Variants in TRPC5 observed in about 807,000 individuals in gnomAD.
The protein encoded by TRPC5 is short transient receptor potential channel 5.
TRPC5 carries 9 observed loss-of-function variants against 56.5 expected under a neutral mutation model. That is an observed-to-expected ratio of 0.16 (90% confidence interval 0.10 to 0.28). The LOEUF (loss-of-function observed/expected upper bound fraction) is 0.28. Ranked by LOEUF, TRPC5 falls within the 10% of genes least tolerant of loss-of-function variation. The pLI, the probability that TRPC5 is intolerant of heterozygous loss-of-function variation, is 1.00. For synonymous variants in TRPC5, 282 were observed against 278.5 expected (o/e 1.01, Z -0.13); for missense variants, 469 against 748.9 (o/e 0.63, Z 4.36).
chrX:111,950,092 AGGTG>A (rs1927037982), intron 2 of TRPC5, among the ~76,000 whole-genome samples: 1 of 111,610 alleles, frequency 9.0e-6, no homozygotes, highest in Non-Finnish European at 1.9e-5. Flanking sequence ...TGGGAGGCCA[AGGTG>A]GGCAGATCAC....
At chrX:112,063,640 G>C (rs1279355901) in intron 1 of TRPC5, among the ~76,000 whole-genome samples, 3 of 111,983 alleles carry the variant, frequency 2.7e-5, no homozygotes, top group African/African-American at 9.8e-5. Flanking sequence ...CCTCACAGGG[G>C]ACTGGGTTCA....
chrX:111,900,661 G>A (rs1191765652), intron 3 of TRPC5, among the ~76,000 whole-genome samples: 7 of 111,500 alleles, frequency 6.3e-5, no homozygotes, highest in Non-Finnish European at 1.3e-4. Context: ...TCAATTTAAG[G>A]TTGTAGGATG....
At chrX:112,028,311 G>A (rs771415301) in intron 1 of TRPC5, among the ~76,000 whole-genome samples, 32 of 110,907 alleles carry the variant, frequency 2.9e-4, no homozygotes, top group Non-Finnish European at 4.9e-4. Flanking sequence ...GTTCTAGGGT[G>A]CATGTGCATA....
intron 7 of TRPC5, among the ~76,000 whole-genome samples, chrX:111,805,772 A>C (rs1921487027): frequency 9.0e-6 from 1 of 110,880 alleles, no homozygotes; most frequent in African/African-American, 3.3e-5. Context: ...TCCCAGGCTC[A>C]AGTGATATTC....
At chrX:111,794,575 T>A (rs2148557051) in intron 7 of TRPC5, among the ~76,000 whole-genome samples, 1 of 111,953 alleles carries the variant, frequency 8.9e-6, no homozygotes, top group East Asian at 2.8e-4. Flanking sequence ...TGAGACTTAG[T>A]TTATTTGGGC....
intron 1 of TRPC5, among the ~76,000 whole-genome samples, chrX:111,964,122 T>C (rs1040750870): frequency 9.0e-6 from 1 of 111,132 alleles, no homozygotes; most frequent in African/African-American, 3.3e-5. Flanking sequence ...TGCAGAGAAG[T>C]CCTTAAAAGA....
At chrX:112,059,277 G>A (rs781291966) in intron 1 of TRPC5, among the ~76,000 whole-genome samples, 3 of 111,740 alleles carry the variant, frequency 2.7e-5, no homozygotes, top group African/African-American at 9.7e-5. Context: ...TGGTTATTCA[G>A]CATTAATGAA....
intron 7 of TRPC5, among the ~76,000 whole-genome samples, chrX:111,797,174 T>C (rs886690210): frequency 2.4e-4 from 27 of 112,045 alleles, no homozygotes; most frequent in African/African-American, 7.1e-4. Context: ...TATTAAAGGA[T>C]TAGCAGATTG....
intron 1 of TRPC5, among the ~76,000 whole-genome samples, chrX:111,982,613 C>T (rs975973526): frequency 9.0e-6 from 1 of 111,581 alleles, no homozygotes; most frequent in Non-Finnish European, 1.9e-5. Context: ...TCAATCACAC[C>T]AGCCAACACC....
chrX:111,838,435 G>A (rs1922632002), intron 6 of TRPC5, among the ~76,000 whole-genome samples: 1 of 110,801 alleles, frequency 9.0e-6, no homozygotes, highest in African/African-American at 3.3e-5. Context: ...TAATACACAG[G>A]GAAAGGGCCA....
chrX:112,031,635 ATAT>A (rs1180596000), intron 1 of TRPC5, among the ~76,000 whole-genome samples: 2 of 108,304 alleles, frequency 1.8e-5, no homozygotes, highest in African/African-American at 7.0e-5. Flanking sequence ...GATATAGATA[ATAT>A]TATCATAGAT....
intron 3 of TRPC5, among the ~76,000 whole-genome samples, chrX:111,890,303 C>A (rs2148606385): frequency 8.9e-6 from 1 of 111,965 alleles, no homozygotes; most frequent in African/African-American, 3.2e-5. Flanking sequence ...CATAAACTTT[C>A]TTAAAATGTT....
At chrX:112,002,716 G>T (rs1928728755) in intron 1 of TRPC5, among the ~76,000 whole-genome samples, 1 of 111,476 alleles carries the variant, frequency 9.0e-6, no homozygotes, top group African/African-American at 3.3e-5. Context: ...ACAAAAATTG[G>T]ACAGGTACCC....
chrX:112,048,454 T>G (rs1294139468), intron 1 of TRPC5, among the ~76,000 whole-genome samples: 5 of 91,131 alleles, frequency 5.5e-5, no homozygotes, highest in Non-Finnish European at 1.1e-4. Context: ...GATAAAAGCA[T>G]GTTTCAAAAC....
intron 2 of TRPC5, among the ~76,000 whole-genome samples, chrX:111,920,651 G>T (rs148612611): frequency 0.014 from 1,535 of 111,454 alleles, 16 homozygotes; most frequent in Middle Eastern, 0.051. Context: ...ATCTGGAGCT[G>T]TCCTGAGCGG....
intron 3 of TRPC5, among the ~76,000 whole-genome samples, chrX:111,899,936 C>A (rs1925256849): frequency 9.0e-6 from 1 of 110,969 alleles, no homozygotes; most frequent in Non-Finnish European, 1.9e-5. Flanking sequence ...CAAAATCGTG[C>A]CTTCTGGTCA....
intron 3 of TRPC5, among the ~76,000 whole-genome samples, chrX:111,860,797 T>G (rs1923383180): frequency 8.9e-6 from 1 of 112,175 alleles, no homozygotes; most frequent in Non-Finnish European, 1.9e-5. Context: ...ATTTTCGCAA[T>G]TTTATGTTGC....
chrX:111,789,360 A>G (rs915656757), intron 7 of TRPC5, among the ~76,000 whole-genome samples: 1 of 112,218 alleles, frequency 8.9e-6, no homozygotes, highest in Non-Finnish European at 1.9e-5. Flanking sequence ...CTGGCTAGCC[A>G]TATGTAGAAA....
chrX:111,798,633 CA>C (rs1463821278), intron 7 of TRPC5, among the ~76,000 whole-genome samples: 1 of 111,088 alleles, frequency 9.0e-6, no homozygotes, highest in East Asian at 2.8e-4. Flanking sequence ...TAAATGAATT[CA>C]GCATAAGGAC....
Sources: gnomAD v4.1 joint callset for allele counts (sites outside exome capture counted in the v4.1 genomes callset) on GRCh38, gnomAD v4.1.1 for gene constraint, MANE v1.5 for transcripts, NCBI Gene and HGNC (gene_info 2026-07-23, HGNC 2026-07-21) for gene names.